Variants in USP14 observed in about 807,000 individuals in gnomAD.
USP14 encodes ubiquitin specific peptidase 14, also known as ubiquitin carboxyl-terminal hydrolase 14.
In USP14, 38 loss-of-function variants were observed where a neutral mutation model predicts 76.5. That is an observed-to-expected ratio of 0.50 (90% CI 0.38 to 0.65). The LOEUF (loss-of-function observed/expected upper bound fraction) is 0.65, where lower values mean the gene tolerates loss of function less well. Ranked by LOEUF, USP14 falls within the 30% of genes least tolerant of loss-of-function variation. USP14 has a pLI of 0.00. For synonymous variants in USP14, 192 were observed against 191.7 expected (o/e 1.00, Z -0.01); for missense variants, 467 against 586.5 (o/e 0.80, Z 2.10).
rs1387352154 is a variant in USP14, at chr18:204,634, C to A, written c.1106C>A (p.Ser369Tyr). 1.9e-6 allele frequency: 3 copies of A among 1,613,142 alleles called. No homozygotes were observed. In the African/African-American group the frequency reaches 4.0e-5, roughly 22 times the overall value. The part of the protein sequence containing the change: ...CTPELQEKMV[S>Y]FRSKFKDLED... ...CCAGAACTTCAAGAGAAAATGGTGT[C>A]TTTTCGATCCAAATTCAAGGATCTA... Residue 369 changes from serine to tyrosine, a missense_variant, in exon 13 of 16, where the codon TCT becomes TAT. By Grantham distance (144) the Ser-to-Tyr change is moderately radical (BLOSUM62 -2). Coordinates refer to ENST00000261601, the MANE Select transcript of USP14 (RefSeq NM_005151.4).
chr18:160,318 A>G (rs1909082548), intron 1 of USP14, among the ~76,000 whole-genome samples: 2 of 152,202 alleles, frequency 1.3e-5, no homozygotes, highest in Admixed American at 6.5e-5. Context: ...AAAAGAAAAA[A>G]AGAAAATTAC....
At chr18:205,312 C>T (rs997876775) in intron 13 of USP14, among the ~76,000 whole-genome samples, 4 of 152,150 alleles carry the variant, frequency 2.6e-5, no homozygotes, top group African/African-American at 9.7e-5. Flanking sequence ...CCTCAAAGTA[C>T]TTCACGTAAA....
chr18:211,489 T>A lies in USP14; in HGVS notation c.*205T>A. The A allele has an allele frequency of 2.5e-6, 1 of 407,148 alleles. No individual in the cohort carries two copies. The highest frequency in any genetic ancestry group is 4.2e-6 in the Non-Finnish European group (1 of 235,580). The allele number at this position is 407,148 out of a possible 1,614,324, so 25.2% of individuals were successfully genotyped here. ...ATTATCTTTGGATTGTGCTGCCCTA[T>A]ATAAAGGTGGCAGAAAGACATTTTT... is the stretch of plus-strand genomic sequence containing the variant. On this transcript the variant is annotated 3_prime_UTR_variant, in exon 16 of 16. Coordinates refer to ENST00000261601, the MANE Select transcript of USP14 (RefSeq NM_005151.4).
chr18:195,034 G>GTT (rs533553795), intron 6 of USP14, among the ~76,000 whole-genome samples: 2 of 145,274 alleles, frequency 1.4e-5, no homozygotes, highest in East Asian at 2.0e-4. Context: ...CATTAAAAAA[G>GTT]TTTTTTTTTT....
At chr18:171,718 A>G (rs918830488) in intron 3 of USP14, among the ~76,000 whole-genome samples, 4 of 152,198 alleles carry the variant, frequency 2.6e-5, no homozygotes, top group African/African-American at 4.8e-5. Flanking sequence ...AAGTTTCCCT[A>G]TAAAGTTATT....
At chr18:160,139 C>G (rs899273160) in intron 1 of USP14, among the ~76,000 whole-genome samples, 3 of 152,004 alleles carry the variant, frequency 2.0e-5, no homozygotes, top group African/African-American at 7.2e-5. Context: ...CCTGTCTCTA[C>G]TAAAAATACA....
chr18:190,419 A>G (rs1910055583), intron 5 of USP14, among the ~76,000 whole-genome samples: 1 of 152,146 alleles, frequency 6.6e-6, no homozygotes, highest in Non-Finnish European at 1.5e-5. Flanking sequence ...ACCAATTCAT[A>G]TTTTCATTAG....
intron 12 of USP14, among the ~76,000 whole-genome samples, chr18:203,422 G>A (rs899200446): frequency 1.1e-4 from 16 of 149,544 alleles, no homozygotes; most frequent in Non-Finnish European, 2.2e-4. Context: ...CAAACATCTG[G>A]GTAGGTCTTC....
At chr18:166,865 T>A (rs746302739) in intron 3 of USP14, 46 bp downstream of exon 3, 46 of 1,555,546 alleles carry the variant, frequency 3.0e-5, no homozygotes, top group Non-Finnish European at 3.9e-5. Context: ...GTAACCTCAT[T>A]ATGATACCAA....
At chr18:196,990 T>C (rs1387503534) in intron 7 of USP14, among the ~76,000 whole-genome samples, 1 of 152,176 alleles carries the variant, frequency 6.6e-6, no homozygotes, top group Non-Finnish European at 1.5e-5. Context: ...CTTTTTAAAA[T>C]GACGATAGGA....
chr18:169,709 G>C (rs1341223808), intron 3 of USP14, among the ~76,000 whole-genome samples: 1 of 152,106 alleles, frequency 6.6e-6, no homozygotes, highest in Non-Finnish European at 1.5e-5. Flanking sequence ...TGGCCACCTT[G>C]CATCGAGCAA....
intron 3 of USP14, among the ~76,000 whole-genome samples, chr18:177,142 T>C (rs1419712814): frequency 6.6e-6 from 1 of 152,182 alleles, no homozygotes; most frequent in Non-Finnish European, 1.5e-5. Context: ...CATTAAAGTA[T>C]TACATTTTTC....
chr18:191,312 A>C (rs1910079080), intron 5 of USP14, among the ~76,000 whole-genome samples: 1 of 152,204 alleles, frequency 6.6e-6, no homozygotes, highest in African/African-American at 2.4e-5. Context: ...ATGCAAACAA[A>C]TGAAAAAGGG....
intron 3 of USP14, among the ~76,000 whole-genome samples, chr18:177,825 A>C (rs975191338): frequency 6.6e-6 from 1 of 152,152 alleles, no homozygotes; most frequent in African/African-American, 2.4e-5. Flanking sequence ...GTATTAAATA[A>C]AAGTATTTAC....
chr18:197,961 A>C (rs1910283951), intron 8 of USP14, 86 bp from the exon 9 acceptor site: 4 of 1,181,420 alleles, frequency 3.4e-6, no homozygotes, highest in Non-Finnish European at 2.3e-6. Context: ...TTTTTAAAAA[A>C]ATATGTATTA....
chr18:197,580 C>A, intron 7 of USP14, 36 bp from the exon 8 acceptor site: 1 of 1,530,348 alleles, frequency 6.5e-7, no homozygotes, highest in Non-Finnish European at 9.0e-7. Flanking sequence ...TCATTCACTG[C>A]CAGGATTACT....
Position 214,085 on chromosome 18 carries a change from T to G in USP14, c.*2801T>G, listed in dbSNP as rs927012119. On this transcript the variant is annotated 3_prime_UTR_variant, in exon 16 of 16. Transcript: ENST00000261601. The stretch of plus-strand genomic sequence containing the variant: ...CAGCTCCTTAGCTTTGCTGTTGTTA[T>G]AGTGTAGCTGGAGCCATAGACAGTT... 1 of 152,266 alleles carries G rather than the reference T, an allele frequency of 6.6e-6. No homozygotes were observed. Among genetic ancestry groups the G allele is most frequent in the African/African-American group, 2.4e-5 (1 of 41,362 alleles). The allele number at this position is 152,266 out of a possible 1,614,324, so 9.4% of individuals were successfully genotyped here. A position where few individuals can be genotyped will look rare whatever the true frequency, so the allele number is the denominator to read the frequency against.
chr18:204,526 A>C, intron 12 of USP14, 38 bp from the exon 13 acceptor site: 2 of 1,458,062 alleles, frequency 1.4e-6, no homozygotes, highest in Non-Finnish European at 1.8e-6. Flanking sequence ...TATCTTTATA[A>C]ATGTGTTTAC....
chr18:176,916 T>C (rs1035215812), intron 3 of USP14, among the ~76,000 whole-genome samples: 1 of 152,128 alleles, frequency 6.6e-6, no homozygotes, highest in African/African-American at 2.4e-5. Context: ...ATTGTTTTAG[T>C]CTCTATTCTT....
Sources: gnomAD v4.1 joint callset for allele counts (sites outside exome capture counted in the v4.1 genomes callset) on GRCh38, gnomAD v4.1.1 for gene constraint, MANE v1.5 for transcripts, NCBI Gene and HGNC (gene_info 2026-07-23, HGNC 2026-07-21) for gene names.